ZP2: variants seen among roughly 807,000 people sequenced by gnomAD.
ZP2 encodes zona pellucida sperm-binding protein 2.
Under a neutral mutation model 84.0 loss-of-function variants are expected in ZP2, and 51 were observed. That is an observed-to-expected ratio of 0.61 (90% CI 0.49 to 0.77). The LOEUF (loss-of-function observed/expected upper bound fraction) is 0.77. ZP2 is among the 30% of genes least tolerant of loss of function. ZP2 has a pLI of 0.00. For missense variants in ZP2, 909 were observed against 911.9 expected (o/e 1.00, Z 0.04); for synonymous variants, 375 against 330.9 (o/e 1.13, Z -1.45).
chr16:21,203,308 C>A (rs1440917134), intron 9 of ZP2, 57 bp from the exon 10 acceptor site: 1 of 1,602,088 alleles, frequency 6.2e-7, no homozygotes, highest in Admixed American at 1.7e-5. Flanking sequence ...GGAACCGTCA[C>A]AGGGAGGCAG....
At position 21,199,669 on chromosome 16, in the gene ZP2, G is replaced by A. The variant is rs752011620; in HGVS notation, c.1831-3C>T. 6.2e-7 allele frequency: 1 copy of A among 1,613,192 alleles called. No individual in the cohort carries two copies. Among genetic ancestry groups the A allele is most frequent in the East Asian group, 2.2e-5 (1 of 44,868 alleles). On this transcript the variant is annotated splice_polypyrimidine_tract_variant and splice_region_variant and intron_variant, in intron 15 of 18. Coordinates refer to ENST00000574091, the MANE Select transcript of ZP2 (RefSeq NM_001376232.1). ...AAGGCACTGCAGTGGAAGTAGACCT[G>A]GAGACAGAAGAGAGTTACATGGAAT...
rs199927753 is a variant in ZP2, at chr16:21,211,318, G to A, written c.140C>T (p.Pro47Leu). Residue 47 changes from proline to leucine, a missense_variant, in exon 2 of 19, where the codon CCT becomes CTT. Physicochemically the swap from Pro to Leu is moderately conservative, Grantham distance 98. Coordinates refer to ENST00000574091, the MANE Select transcript of ZP2 (RefSeq NM_001376232.1). The stretch of plus-strand genomic sequence containing the variant: ...CCCAAGAGACATACCTGGAAAGGCA[G>A]GATTTACCAACTGAGAAACATCTAT... The part of the protein sequence containing the change: ...NSIDVSQLVN[P>L]AFPGTVTCDE... 6 of 1,614,134 alleles carry A rather than the reference G, an allele frequency of 3.7e-6. No individual in the cohort carries two copies. Among genetic ancestry groups the A allele is most frequent in the Non-Finnish European group, 3.4e-6 (4 of 1,179,994 alleles).
upstream of ZP2, chr16:21,214,174 T>C: frequency 1.1e-6 from 1 of 926,006 alleles, no homozygotes; most frequent in Non-Finnish European, 1.3e-6. Flanking sequence ...GAAAGCCCGC[T>C]GTGGGCTGGT....
At chr16:21,203,594 C>T (rs542570140) in intron 9 of ZP2, among the ~76,000 whole-genome samples, 1 of 152,266 alleles carries the variant, frequency 6.6e-6, no homozygotes, top group South Asian at 2.1e-4. Context: ...AATGGTATTG[C>T]ATAATATGTA....
At chr16:21,202,816 G>C (rs977913203) in intron 10 of ZP2, among the ~76,000 whole-genome samples, 7 of 151,338 alleles carry the variant, frequency 4.6e-5, no homozygotes, top group Non-Finnish European at 8.8e-5. Flanking sequence ...GGGTGGGGGG[G>C]TACTTAAACT....
At position 21,201,411 on chromosome 16, in the gene ZP2, A is replaced by T. The variant is rs775699558; in HGVS notation, c.1652T>A (p.Met551Lys). Reference protein sequence around the residue: ...VLDDCWATSTMDPDSFPQWNV... With the variant: ...VLDDCWATSTKDPDSFPQWNV... ...CCACTGGGGGAAAGAGTCTGGATCC[A>T]TGGTGGACGTCGCCCAGCAGTCATC... is the stretch of plus-strand genomic sequence containing the variant. Residue 551 changes from methionine (M) to lysine (K), a missense_variant, in exon 14 of 19, where the codon ATG becomes AAG. Physicochemically the swap from Met to Lys is moderately conservative, Grantham distance 95. Coordinates refer to ENST00000574091, the MANE Select transcript of ZP2 (RefSeq NM_001376232.1). 6.2e-7 allele frequency: 1 copy of T among 1,606,172 alleles called. No homozygotes were observed. The highest frequency in any genetic ancestry group is 8.5e-7 in the Non-Finnish European group (1 of 1,175,606).
chr16:21,198,508 G>C (rs1369592325), intron 17 of ZP2, among the ~76,000 whole-genome samples: 1 of 152,120 alleles, frequency 6.6e-6, no homozygotes, highest in Non-Finnish European at 1.5e-5. Context: ...GAATCCTAAG[G>C]GTTCTTTGTA....
rs767710033 is a variant in ZP2, at chr16:21,210,155, C to T, written c.189G>A (p.Glu63=). ...TCTTGGTGCCAGGACTGCTTGGGAA[C>T]TCCACTGTTATTTCCCTTTCATCGC... ...VTCDEREITV[E]FPSSPGTKKW... is the part of the protein sequence containing the mutation. The change falls in exon 3 of 19, where the codon GAG becomes GAA. Residue 63 remains glutamate (E), a synonymous_variant. Coordinates refer to ENST00000574091, the MANE Select transcript of ZP2 (RefSeq NM_001376232.1). 3.1e-6 allele frequency: 5 copies of T among 1,614,090 alleles called. No individual in the cohort carries two copies. The highest frequency in any genetic ancestry group is 4.2e-6 in the Non-Finnish European group (5 of 1,180,010).
At chr16:21,198,991 C>T (rs16971210) in intron 16 of ZP2, 129 bp from the exon 17 acceptor site, 205,896 of 821,316 alleles carry the variant, frequency 0.25, 26,974 homozygotes, top group East Asian at 0.39. Flanking sequence ...CCTTTGCAGG[C>T]GAGGTTATGC....
rs1419521554 is a variant in ZP2, at chr16:21,202,101, A to T, written c.1287+3T>A. On this transcript the variant is annotated splice_donor_region_variant and intron_variant, in intron 11 of 18. Transcript: ENST00000574091. ...TAACCTCGTGCCATCTGCCAGTACTAACCTTATATCTCGTTCCACATCCAT... is the reference window on the plus strand; with the variant it reads ...TAACCTCGTGCCATCTGCCAGTACTTACCTTATATCTCGTTCCACATCCAT... The T allele has an allele frequency of 6.2e-7, 1 of 1,613,558 alleles. No individual in the cohort carries two copies. The highest frequency in any genetic ancestry group is 8.5e-7 in the Non-Finnish European group (1 of 1,179,662).
upstream of ZP2, chr16:21,211,657 T>C: frequency 1.3e-6 from 2 of 1,593,224 alleles, no homozygotes; most frequent in Non-Finnish European, 1.7e-6. Flanking sequence ...ACCTGAATCT[T>C]GTCCCATTCT....
rs1304167810 is a variant in ZP2, at chr16:21,201,352, G to A, written c.1694+17C>T. ...GATGGATTAGCTGGGTAACCTGATA[G>A]TACAGGGAGTACCTACCCATCCACG... On this transcript the variant is annotated intron_variant, in intron 14 of 18. Coordinates refer to ENST00000574091, the MANE Select transcript of ZP2 (RefSeq NM_001376232.1). 1.3e-6 allele frequency: 2 copies of A among 1,541,576 alleles called. No individual in the cohort carries two copies. The highest frequency in any genetic ancestry group is 1.7e-6 in the Non-Finnish European group (2 of 1,143,852).
chr16:21,212,990 C>A (rs1273179588), upstream of ZP2, among the ~76,000 whole-genome samples: 2 of 152,228 alleles, frequency 1.3e-5, no homozygotes, highest in Non-Finnish European at 2.9e-5. Context: ...GTGGGTGACA[C>A]TTGCAATTAT....
At chr16:21,207,642 ACACACACAC>A (rs2093256130) in intron 4 of ZP2, among the ~76,000 whole-genome samples, 1 of 6,998 alleles carries the variant, frequency 1.4e-4, no homozygotes, top group Non-Finnish European at 2.0e-4. Context: ...TTAAACACAC[ACACACACAC>A]ACACACACAC....
In ZP2 at chr16:21,199,743, C is replaced by A; in HGVS notation, c.1830G>T (p.Leu610=). 6 of 1,613,954 alleles carry A rather than the reference C, an allele frequency of 3.7e-6. No homozygotes were observed. The highest frequency in any genetic ancestry group is 5.1e-6 in the Non-Finnish European group (6 of 1,179,926). ...FVSEAHVLSS[L]VYFHCSALIC... is the part of the protein sequence containing the mutation. The stretch of plus-strand genomic sequence containing the variant: ...CCCTGGTGACTTCTGAATCACTTAC[C>A]AGGCTAGAGAGCACGTGGGCTTCTG... Residue 610 remains leucine (L), a splice_region_variant and synonymous_variant, in exon 15 of 19, where the codon CTG becomes CTT. Transcript: ENST00000574091.
intron 6 of ZP2, 50 bp from the exon 7 acceptor site, chr16:21,205,634 C>T (rs1028282971): frequency 6.2e-7 from 1 of 1,612,434 alleles, no homozygotes; most frequent in Non-Finnish European, 8.5e-7. Context: ...TTAACCAAGT[C>T]TCTGGTAGTC....
chr16:21,205,854 G>A, intron 5 of ZP2, 79 bp from the exon 6 acceptor site: 1 of 1,470,088 alleles, frequency 6.8e-7, no homozygotes, highest in Non-Finnish European at 9.5e-7. Flanking sequence ...TTGCTGTGTG[G>A]TTGTCATACC....
intron 3 of ZP2, 43 bp downstream of exon 3, chr16:21,210,066 G>A (rs201611533): frequency 6.4e-7 from 1 of 1,566,444 alleles, no homozygotes; most frequent in East Asian, 2.2e-5. Context: ...GCCAAAGGCT[G>A]TCTGCTAATC....
In ZP2 at chr16:21,202,099, C is replaced by G. The variant is rs777448453; in HGVS notation, c.1287+5G>C. On this transcript the variant is annotated splice_donor_5th_base_variant and intron_variant, in intron 11 of 18. Coordinates refer to ENST00000574091, the MANE Select transcript of ZP2 (RefSeq NM_001376232.1). The stretch of plus-strand genomic sequence containing the variant: ...CTTAACCTCGTGCCATCTGCCAGTA[C>G]TAACCTTATATCTCGTTCCACATCC... 2 of 1,613,472 alleles carry G rather than the reference C, an allele frequency of 1.2e-6. No individual in the cohort carries two copies. Among genetic ancestry groups the G allele is most frequent in the Admixed American group, 1.7e-5 (1 of 59,944 alleles).
Sources: allele counts gnomAD v4.1 joint callset (sites outside exome capture counted in the v4.1 genomes callset), GRCh38; gene constraint gnomAD v4.1.1; transcripts MANE v1.5; gene names NCBI Gene and HGNC (gene_info 2026-07-23, HGNC 2026-07-21).